The following SLC9A2 variants were observed in gnomAD, a reference collection of about 807,000 sequenced individuals.
SLC9A2 encodes the protein solute carrier family 9 member A2, also known as sodium/hydrogen exchanger 2.
Under a neutral mutation model 71.7 loss-of-function variants are expected in SLC9A2, and 42 were observed. The observed-to-expected ratio is 0.59, with a 90% CI of 0.46 to 0.76. The LOEUF is 0.76. Ranked by LOEUF, SLC9A2 falls within the 30% of genes least tolerant of loss-of-function variation. SLC9A2 has a pLI of 0.00. For synonymous variants in SLC9A2, 396 were observed against 392.5 expected (o/e 1.01, Z -0.10); for missense variants, 829 against 1,017.4 (o/e 0.81, Z 2.52).
chr2:102,685,454 G>A (rs544831152), intron 5 of SLC9A2, among the ~76,000 whole-genome samples: 1 of 152,340 alleles, frequency 6.6e-6, no homozygotes, highest in East Asian at 1.9e-4. Context: ...TGGCCACTGT[G>A]TTGAGAATAG....
At chr2:102,668,336 G>T (rs1677183124) in intron 3 of SLC9A2, among the ~76,000 whole-genome samples, 1 of 151,988 alleles carries the variant, frequency 6.6e-6, no homozygotes, top group African/African-American at 2.4e-5. Flanking sequence ...CTTCCTTATG[G>T]TGTAGATCAC....
In SLC9A2 at chr2:102,695,681, C is replaced by T. The variant is rs894905605; in HGVS notation, c.1586+568C>T. ...GGGCTTCCATTACTATCCATTTTGC[C>T]ACACATGGTGGGAGACTTTGTCAAA... On this transcript the variant is annotated intron_variant, in intron 7 of 11. Transcript: ENST00000233969. Among the ~76,000 whole-genome samples the T allele has an allele frequency of 3.3e-5, 5 of 149,406 alleles. No homozygotes were observed. The South Asian group carries it at 1.1e-3, about 31-fold the overall frequency.
At chr2:102,662,696 T>C (rs1677070589) in intron 2 of SLC9A2, among the ~76,000 whole-genome samples, 1 of 151,746 alleles carries the variant, frequency 6.6e-6, no homozygotes, top group Admixed American at 6.6e-5. Context: ...CAGGAGTGAA[T>C]AAACACGGTG....
chr2:102,639,544 T>A (rs1342809682), intron 1 of SLC9A2, among the ~76,000 whole-genome samples: 3 of 152,218 alleles, frequency 2.0e-5, no homozygotes, highest in Non-Finnish European at 2.9e-5. Context: ...TTCTCCGAGT[T>A]GGTTTAGCAG....
chr2:102,700,656 A>G (rs1046070035), intron 7 of SLC9A2, among the ~76,000 whole-genome samples: 3 of 152,204 alleles, frequency 2.0e-5, no homozygotes, highest in Non-Finnish European at 2.9e-5. Context: ...TGGGGAAAAC[A>G]AACAGTGATA....
intron 11 of SLC9A2, among the ~76,000 whole-genome samples, chr2:102,707,455 A>G (rs1678003821): frequency 6.6e-6 from 1 of 152,082 alleles, no homozygotes; most frequent in South Asian, 2.1e-4. Context: ...ACCAGCAAAC[A>G]TGTTCTCAGT....
At chr2:102,644,422 G>C (rs1676674873) in intron 1 of SLC9A2, among the ~76,000 whole-genome samples, 1 of 152,094 alleles carries the variant, frequency 6.6e-6, no homozygotes, top group African/African-American at 2.4e-5. Flanking sequence ...GCTGCAGGAG[G>C]CTCCCCCCCG....
intron 2 of SLC9A2, among the ~76,000 whole-genome samples, chr2:102,662,515 A>T (rs142373022): frequency 6.6e-6 from 1 of 152,174 alleles, no homozygotes; most frequent in East Asian, 1.9e-4. Context: ...CTGGGAGATC[A>T]TCTGTGGTGC....
rs1678051272 is a variant in SLC9A2, at chr2:102,709,162, T to G, written c.*673T>G. 1 of 152,480 alleles carries G rather than the reference T, an allele frequency of 6.6e-6. No homozygotes were observed. Among genetic ancestry groups the G allele is most frequent in the Non-Finnish European group, 1.5e-5 (1 of 68,116 alleles). The allele number at this position is 152,480 out of a possible 1,614,324, so 9.4% of individuals were successfully genotyped here. ...ACTGAGAGTCTACTGGTTTTTAACTTGTTCCTCTGTCTACTGTGTGTTTGG... is the reference window on the plus strand; with the variant it reads ...ACTGAGAGTCTACTGGTTTTTAACTGGTTCCTCTGTCTACTGTGTGTTTGG... On this transcript the variant is annotated 3_prime_UTR_variant, in exon 12 of 12. Transcript: ENST00000233969.
intron 1 of SLC9A2, among the ~76,000 whole-genome samples, chr2:102,653,365 G>C (rs1676871900): frequency 6.6e-6 from 1 of 152,184 alleles, no homozygotes; most frequent in Admixed American, 6.5e-5. Context: ...GTTTGTTGCT[G>C]TTCCTCTCTG....
At chr2:102,684,398 T>G in intron 5 of SLC9A2, 62 bp downstream of exon 5, 1 of 1,453,680 alleles carries the variant, frequency 6.9e-7, no homozygotes, top group Non-Finnish European at 9.7e-7. Flanking sequence ...TTGGATTCTG[T>G]TTACAGGATG....
intron 5 of SLC9A2, among the ~76,000 whole-genome samples, chr2:102,684,608 C>T (rs1243735678): frequency 6.6e-6 from 1 of 152,198 alleles, no homozygotes; most frequent in Admixed American, 6.5e-5. Context: ...ACTGCACTTG[C>T]TAATGCTTAT....
At chr2:102,695,884 C>A (rs1435616892) in intron 7 of SLC9A2, among the ~76,000 whole-genome samples, 1 of 148,044 alleles carries the variant, frequency 6.8e-6, no homozygotes, top group Non-Finnish European at 1.5e-5. Context: ...TACCTACAGG[C>A]ACACAGAGTT....
At chr2:102,649,991 C>A (rs1676799743) in intron 1 of SLC9A2, among the ~76,000 whole-genome samples, 1 of 152,186 alleles carries the variant, frequency 6.6e-6, no homozygotes, top group Non-Finnish European at 1.5e-5. Context: ...GATTACAAAT[C>A]ATTGTACTAT....
intron 3 of SLC9A2, among the ~76,000 whole-genome samples, chr2:102,668,100 T>C (rs1322603435): frequency 1.3e-5 from 2 of 151,626 alleles, no homozygotes; most frequent in African/African-American, 4.9e-5. Context: ...AAAAAAAAAC[T>C]AAAATTGTCA....
chr2:102,670,478 T>A (rs913026254), intron 3 of SLC9A2, among the ~76,000 whole-genome samples: 3 of 150,594 alleles, frequency 2.0e-5, no homozygotes, highest in African/African-American at 7.3e-5. Context: ...TATGAATAAA[T>A]AAATCGAGGC....
chr2:102,644,574 C>A (rs1306988143), intron 1 of SLC9A2, among the ~76,000 whole-genome samples: 2 of 152,192 alleles, frequency 1.3e-5, no homozygotes, highest in Non-Finnish European at 2.9e-5. Flanking sequence ...GCTTGAAATT[C>A]TTGCTGCCAG....
At chr2:102,663,725 C>A (rs1417657267) in intron 2 of SLC9A2, among the ~76,000 whole-genome samples, 1 of 152,214 alleles carries the variant, frequency 6.6e-6, no homozygotes, top group Non-Finnish European at 1.5e-5. Flanking sequence ...TTCTCCCTAA[C>A]GTCCTTATCA....
intron 2 of SLC9A2, among the ~76,000 whole-genome samples, chr2:102,664,131 C>G (rs529487317): frequency 2.0e-5 from 3 of 152,088 alleles, no homozygotes; most frequent in African/African-American, 7.2e-5. Flanking sequence ...CAGCAATTAG[C>G]CGGGTGTGGT....
Sources: allele counts gnomAD v4.1 joint callset (sites outside exome capture counted in the v4.1 genomes callset), GRCh38; gene constraint gnomAD v4.1.1; transcripts MANE v1.5; gene names NCBI Gene and HGNC (gene_info 2026-07-23, HGNC 2026-07-21).